PCDH15: variants seen among roughly 807,000 people sequenced by gnomAD.
PCDH15 encodes protocadherin-15.
In PCDH15, 129 loss-of-function variants were observed where a neutral mutation model predicts 178.5. The ratio of observed to expected loss-of-function variants is 0.72; its 90% confidence interval spans 0.63 to 0.84. The LOEUF is 0.84. PCDH15 is among the 40% of genes least tolerant of loss of function. The probability of loss-of-function intolerance (pLI) is 0.00; values close to 1 mark genes in which losing one functional copy is unlikely to be tolerated. For synonymous variants in PCDH15, 800 were observed against 732.0 expected, an observed-to-expected ratio of 1.09 and a Z score of -1.50; for missense variants, 2,230 against 2,099.9, an observed-to-expected ratio of 1.06 and a Z score of -1.21.
chr10:54,960,658 T>G (rs1838622141), intron 2 of PCDH15, among the ~76,000 whole-genome samples: 1 of 152,202 alleles, frequency 6.6e-6, no homozygotes, highest in Non-Finnish European at 1.5e-5. Flanking sequence ...CAACCCAATA[T>G]TAAGAAGGTC....
intron 1 of PCDH15, among the ~76,000 whole-genome samples, chr10:54,723,841 A>G (rs1456073834): frequency 6.6e-6 from 1 of 151,882 alleles, no homozygotes; most frequent in Non-Finnish European, 1.5e-5. Flanking sequence ...ACAATGAGAT[A>G]TAATCTCACC....
rs182228330 is a variant in PCDH15 at position 53,989,717 on chromosome 10, A to C, written c.2868+5932T>G. Among the ~76,000 whole-genome samples the C allele has an allele frequency of 6.2e-4, 94 of 152,248 alleles. 1 individual carries two copies. The East Asian group carries it at 0.013, about 20-fold the overall frequency. ...ACTGAGCTGTGTATATTCCCTCCTC[A>C]TGCTCCTGGGTGAGAAATCATAGTT... On this transcript the variant is annotated intron_variant, in intron 21 of 37. Transcript: ENST00000644397.
intron 2 of PCDH15, among the ~76,000 whole-genome samples, chr10:54,554,836 GAA>G (rs935425186): frequency 2.0e-5 from 3 of 152,070 alleles, no homozygotes; most frequent in African/African-American, 7.2e-5. Flanking sequence ...TGAACATTTT[GAA>G]AAAGTCATGG....
intron 3 of PCDH15, among the ~76,000 whole-genome samples, chr10:54,822,579 T>C (rs1206513611): frequency 6.6e-6 from 1 of 152,188 alleles, no homozygotes; most frequent in East Asian, 1.9e-4. Context: ...TGTTTGTGAG[T>C]AGTGCTGTAA....
At chr10:54,773,805 GA>G (rs1949368183) in intron 1 of PCDH15, among the ~76,000 whole-genome samples, 1 of 151,528 alleles carries the variant, frequency 6.6e-6, no homozygotes. Context: ...AAAATACCAA[GA>G]AAATATCATT....
At chr10:54,707,706 A>C (rs2095379751) in intron 1 of PCDH15, among the ~76,000 whole-genome samples, 1 of 152,198 alleles carries the variant, frequency 6.6e-6, no homozygotes, top group South Asian at 2.1e-4. Flanking sequence ...TCACTTCATG[A>C]AAAACTGGCT....
chr10:54,010,898 G>A (rs1006143041), intron 20 of PCDH15, among the ~76,000 whole-genome samples: 1 of 152,172 alleles, frequency 6.6e-6, no homozygotes, highest in Non-Finnish European at 1.5e-5. Context: ...TCCTTAAGGA[G>A]GGGCTCCTAC....
intron 1 of PCDH15, among the ~76,000 whole-genome samples, chr10:55,273,672 T>C (rs1312507019): frequency 2.0e-5 from 3 of 152,026 alleles, no homozygotes; most frequent in Non-Finnish European, 4.4e-5. Context: ...TATGTGAATT[T>C]ACGCTTTCTG....
chr10:53,918,852 T>C (rs2083759359), intron 25 of PCDH15, among the ~76,000 whole-genome samples: 1 of 152,110 alleles, frequency 6.6e-6, no homozygotes, highest in South Asian at 2.1e-4. Flanking sequence ...TACTGTATAG[T>C]TTGTAGGTCC....
chr10:53,919,549 T>C (rs1422135020), intron 25 of PCDH15, among the ~76,000 whole-genome samples: 1 of 152,214 alleles, frequency 6.6e-6, no homozygotes, highest in Non-Finnish European at 1.5e-5. Flanking sequence ...CCACATTTTA[T>C]CAATGAAGAT....
chr10:54,780,303 C>T (rs1447627604), intron 1 of PCDH15, among the ~76,000 whole-genome samples: 1 of 152,114 alleles, frequency 6.6e-6, no homozygotes, highest in Non-Finnish European at 1.5e-5. Context: ...AGTTATCAGT[C>T]TGAGCTTACA....
intron 2 of PCDH15, among the ~76,000 whole-genome samples, chr10:55,088,249 A>G (rs944518281): frequency 2.6e-5 from 4 of 151,954 alleles, no homozygotes; most frequent in African/African-American, 9.7e-5. Flanking sequence ...TTGGTCATCA[A>G]TTAATAACAC....
At chr10:55,469,951 A>G (rs1196215829) in intron 2 of PCDH15, among the ~76,000 whole-genome samples, 1 of 151,968 alleles carries the variant, frequency 6.6e-6, no homozygotes, top group African/African-American at 2.4e-5. Context: ...TGTTTCATGG[A>G]TTTGTTTTTT....
chr10:54,657,834 C>A (rs2094434154), intron 2 of PCDH15, among the ~76,000 whole-genome samples: 1 of 152,154 alleles, frequency 6.6e-6, no homozygotes, highest in African/African-American at 2.4e-5. Context: ...ATTGTACTTG[C>A]ACTCTAACCA....
At chr10:55,187,593 A>G (rs1839832175) in intron 1 of PCDH15, among the ~76,000 whole-genome samples, 1 of 151,996 alleles carries the variant, frequency 6.6e-6, no homozygotes, top group Non-Finnish European at 1.5e-5. Context: ...ACCGGGTCAC[A>G]TAAGGGTTTT....
intron 3 of PCDH15, among the ~76,000 whole-genome samples, chr10:54,833,568 T>C (rs556388547): frequency 3.0e-4 from 46 of 152,322 alleles, no homozygotes; most frequent in Non-Finnish European, 5.7e-4. Context: ...ATTTAACTTT[T>C]GTCTGAATTT....
At chr10:54,376,848 A>G (rs1412696105) in intron 4 of PCDH15, among the ~76,000 whole-genome samples, 1 of 152,056 alleles carries the variant, frequency 6.6e-6, no homozygotes, top group Non-Finnish European at 1.5e-5. Context: ...AAATGAATTT[A>G]TCTCTATAAA....
At chr10:54,218,415 A>T (rs1416405046) in intron 9 of PCDH15, among the ~76,000 whole-genome samples, 2 of 152,226 alleles carry the variant, frequency 1.3e-5, no homozygotes, top group African/African-American at 4.8e-5. Context: ...CAATGTGACC[A>T]TTATAGAGAG....
intron 2 of PCDH15, among the ~76,000 whole-genome samples, chr10:55,358,545 C>A (rs1056277456): frequency 2.0e-5 from 3 of 152,034 alleles, no homozygotes; most frequent in African/African-American, 7.2e-5. Flanking sequence ...ATCAGCATAT[C>A]TCACAGAGTG....
Sources: allele counts gnomAD v4.1 joint callset (sites outside exome capture counted in the v4.1 genomes callset), GRCh38; gene constraint gnomAD v4.1.1; transcripts MANE v1.5; gene names NCBI Gene and HGNC (gene_info 2026-07-23, HGNC 2026-07-21).